The following TMEM132D variants were observed in gnomAD, a reference collection of about 807,000 sequenced individuals.
TMEM132D encodes the protein mature OL transmembrane protein.
A neutral mutation model predicts 62.3 loss-of-function variants in TMEM132D; 21 were observed. The observed-to-expected ratio is 0.34, with a 90% CI of 0.24 to 0.49. The LOEUF (loss-of-function observed/expected upper bound fraction) is 0.49, where lower values mean the gene tolerates loss of function less well. Ranked by LOEUF, TMEM132D falls within the 20% of genes least tolerant of loss-of-function variation. The pLI is 0.99. For missense variants in TMEM132D, 1,346 were observed against 1,402.8 expected, an observed-to-expected ratio of 0.96 and a Z score of 0.65; for synonymous variants, 621 against 575.6, an observed-to-expected ratio of 1.08 and a Z score of -1.13.
intron 3 of TMEM132D, among the ~76,000 whole-genome samples, chr12:129,474,218 A>G (rs1874191086): frequency 6.6e-6 from 1 of 152,204 alleles, no homozygotes; most frequent in Admixed American, 6.5e-5. Flanking sequence ...CTCCAAAACC[A>G]CAGTAATATT....
At chr12:129,328,064 C>A (rs1166980619) in intron 4 of TMEM132D, among the ~76,000 whole-genome samples, 3 of 152,206 alleles carry the variant, frequency 2.0e-5, no homozygotes, top group African/African-American at 7.2e-5. Context: ...AAAGCCAGCT[C>A]CTTTCACAAC....
At chr12:129,468,587 T>C (rs1395815464) in intron 3 of TMEM132D, among the ~76,000 whole-genome samples, 1 of 152,210 alleles carries the variant, frequency 6.6e-6, no homozygotes, top group Non-Finnish European at 1.5e-5. Context: ...GTTTTACCTT[T>C]TTGTATCCTC....
At chr12:129,401,431 T>C (rs552352634) in intron 3 of TMEM132D, among the ~76,000 whole-genome samples, 1 of 152,166 alleles carries the variant, frequency 6.6e-6, no homozygotes, top group South Asian at 2.1e-4. Flanking sequence ...TAGCTGAGCA[T>C]GGTGGCATGA....
intron 3 of TMEM132D, among the ~76,000 whole-genome samples, chr12:129,355,660 G>C (rs189673691): frequency 2.2e-4 from 33 of 152,270 alleles, no homozygotes; most frequent in African/African-American, 7.2e-4. Context: ...AATTATGGTG[G>C]ATAGTGTCAG....
intron 4 of TMEM132D, among the ~76,000 whole-genome samples, chr12:129,246,505 C>T (rs1880117724): frequency 6.6e-6 from 1 of 152,140 alleles, no homozygotes; most frequent in African/African-American, 2.4e-5. Context: ...CCTGTAATCC[C>T]AACACTTTGG....
intron 2 of TMEM132D, among the ~76,000 whole-genome samples, chr12:129,630,641 T>C (rs555282517): frequency 3.9e-5 from 6 of 152,348 alleles, no homozygotes; most frequent in Admixed American, 1.3e-4. Context: ...TCATAACTGA[T>C]ATTTATTCAA....
rs62841262 is a variant in TMEM132D, at chr12:129,140,839, CAA to C, written c.1444-56139_1444-56138del. On this transcript the variant is annotated intron_variant, in intron 5 of 8. Coordinates refer to ENST00000422113, the MANE Select transcript of TMEM132D (RefSeq NM_133448.3). ...GGGAGACAAGAACAAAACTCTGTCT[CAA>C]AAAAAAAAAAAAAATTTCTGTGATT... Among the ~76,000 whole-genome samples the C allele has an allele frequency of 2.5e-3, 331 of 134,894 alleles. 1 individual carries two copies. Among genetic ancestry groups the C allele is most frequent in the African/African-American group, 8.9e-3 (322 of 36,188 alleles). 88.5% of individuals were successfully genotyped at this position (134,894 alleles called of 152,430 possible).
At chr12:129,681,757 G>A (rs2137208841) in intron 2 of TMEM132D, among the ~76,000 whole-genome samples, 1 of 152,280 alleles carries the variant, frequency 6.6e-6, no homozygotes, top group Admixed American at 6.5e-5. Context: ...CAAAGAATAT[G>A]CAACTATCTC....
intron 3 of TMEM132D, among the ~76,000 whole-genome samples, chr12:129,372,683 G>A (rs1870651554): frequency 6.6e-6 from 1 of 151,790 alleles, no homozygotes; most frequent in Non-Finnish European, 1.5e-5. Context: ...TCTAGGTTGT[G>A]TGCTCCTTAT....
intron 1 of TMEM132D, among the ~76,000 whole-genome samples, chr12:129,829,649 G>A (rs73160252): frequency 5.3e-5 from 8 of 152,176 alleles, no homozygotes; most frequent in African/African-American, 1.9e-4. Context: ...CTTCTGCCAG[G>A]AAATGCCAGG....
At chr12:129,175,639 T>G (rs983730000) in intron 5 of TMEM132D, among the ~76,000 whole-genome samples, 1 of 151,744 alleles carries the variant, frequency 6.6e-6, no homozygotes, top group African/African-American at 2.4e-5. Context: ...ACCTGGGAGG[T>G]GGAAGTTGCA....
chr12:129,207,579 G>A (rs1234395816), intron 5 of TMEM132D, among the ~76,000 whole-genome samples: 1 of 152,128 alleles, frequency 6.6e-6, no homozygotes, highest in African/African-American at 2.4e-5. Context: ...GGCAGAGGGA[G>A]GAGAGGGGAT....
chr12:129,554,008 A>G (rs1237068907), intron 2 of TMEM132D, among the ~76,000 whole-genome samples: 1 of 152,116 alleles, frequency 6.6e-6, no homozygotes, highest in Non-Finnish European at 1.5e-5. Context: ...AATCAACACT[A>G]TCTAATCGGT....
chr12:129,621,081 T>A (rs1475396877), intron 2 of TMEM132D, among the ~76,000 whole-genome samples: 1 of 152,174 alleles, frequency 6.6e-6, no homozygotes, highest in Non-Finnish European at 1.5e-5. Flanking sequence ...TTGACACCCC[T>A]CCATGGCTTT....
rs75366434 is a variant in TMEM132D at position 129,393,356 on chromosome 12, A to G, written c.1116-55539T>C. Among the ~76,000 whole-genome samples, 1,231 of 152,328 alleles carry G rather than the reference A, an allele frequency of 8.1e-3. 19 individuals carry two copies. Among genetic ancestry groups the G allele is most frequent in the African/African-American group, 0.026 (1,100 of 41,576 alleles). On this transcript the variant is annotated intron_variant, in intron 3 of 8. Transcript: ENST00000422113. ...TCCAGGATGTTGTTTAAAAGTGTCA[A>G]TCATCTTTTCTGGGGGGCAACTGGT...
chr12:129,814,097 C>T (rs1332357951), intron 1 of TMEM132D, among the ~76,000 whole-genome samples: 2 of 151,988 alleles, frequency 1.3e-5, no homozygotes, highest in African/African-American at 4.8e-5. Flanking sequence ...TGAAATAAGC[C>T]AACCACAGAC....
rs777977120 is a variant in TMEM132D at position 129,073,851 on chromosome 12, A to C, written c.*24T>G. ...AATTAAAGGCTGAAAGGTGAGTGAG[A>C]ACCAATGTCTGTGTGTGTCTGGCTT... On this transcript the variant is annotated 3_prime_UTR_variant, in exon 9 of 9. Coordinates refer to ENST00000422113, the MANE Select transcript of TMEM132D (RefSeq NM_133448.3). 1 of 1,512,618 alleles carries C rather than the reference A, an allele frequency of 6.6e-7. No homozygotes were observed. The highest frequency in any genetic ancestry group is 8.9e-7 in the Non-Finnish European group (1 of 1,129,804). 93.7% of individuals were successfully genotyped at this position (1,512,618 alleles called of 1,614,324 possible). A position where few individuals can be genotyped will look rare whatever the true frequency, so the allele number is the denominator to read the frequency against.
chr12:129,714,829 T>C (rs558440998), intron 1 of TMEM132D, among the ~76,000 whole-genome samples: 11 of 152,204 alleles, frequency 7.2e-5, no homozygotes, highest in Non-Finnish European at 1.6e-4. Flanking sequence ...CCCACAGGCC[T>C]GCCCTTGGGA....
chr12:129,094,617 A>G (rs957176115), intron 5 of TMEM132D, among the ~76,000 whole-genome samples: 1 of 152,228 alleles, frequency 6.6e-6, no homozygotes, highest in African/African-American at 2.4e-5. Context: ...TGTGGAAGTC[A>G]GTGTGGTGAT....
Sources: allele counts gnomAD v4.1 joint callset (sites outside exome capture counted in the v4.1 genomes callset), GRCh38; gene constraint gnomAD v4.1.1; transcripts MANE v1.5; gene names NCBI Gene and HGNC (gene_info 2026-07-23, HGNC 2026-07-21).